APP: variants seen among roughly 807,000 people sequenced by gnomAD.
APP encodes the protein amyloid beta precursor protein.
In APP, 31 loss-of-function variants were observed where a neutral mutation model predicts 101.4. The observed-to-expected ratio is 0.31, with a 90% confidence interval of 0.23 to 0.41. The LOEUF (loss-of-function observed/expected upper bound fraction) is 0.41, where lower values mean the gene tolerates loss of function less well. Among genes scored for constraint, APP ranks in the 10% least tolerant of loss-of-function variants. APP has a pLI of 1.00. For synonymous variants in APP, 366 were observed against 364.4 expected (o/e 1.00, Z -0.05); for missense variants, 839 against 1,003.7 (o/e 0.84, Z 2.22).
intron 11 of APP, among the ~76,000 whole-genome samples, chr21:25,964,854 C>T (rs2041730890): frequency 6.6e-6 from 1 of 152,162 alleles, no homozygotes; most frequent in Admixed American, 6.5e-5. Flanking sequence ...CCCGCCTTGG[C>T]CTCCCAAAGT....
intron 3 of APP, among the ~76,000 whole-genome samples, chr21:26,067,105 T>C (rs1259497405): frequency 1.3e-5 from 2 of 152,164 alleles, no homozygotes; most frequent in South Asian, 2.1e-4. Context: ...AGAGGCCACA[T>C]ATCTAATTTA....
chr21:26,018,783 C>G (rs1014379885), intron 6 of APP, among the ~76,000 whole-genome samples: 3 of 152,122 alleles, frequency 2.0e-5, no homozygotes, highest in African/African-American at 7.2e-5. Flanking sequence ...GCTTTTGTTG[C>G]TCTTCTTGCC....
chr21:26,170,514 C>CGCGTCCCCACCGTGCA (rs1265164799), intron 1 of APP, 50 bp downstream of exon 1: 2 of 1,526,238 alleles, frequency 1.3e-6, no homozygotes, highest in Admixed American at 2.0e-5. Flanking sequence ...TGGGGGGTAT[C>CGCGTCCCCACCGTGCA]GCGTCCCCAC....
intron 1 of APP, among the ~76,000 whole-genome samples, chr21:26,114,217 C>T (rs2062387642): frequency 1.3e-5 from 2 of 152,170 alleles, no homozygotes; most frequent in East Asian, 3.9e-4. Context: ...AAGCGTTCTA[C>T]CTTCTTGTCA....
chr21:26,062,186 G>A (rs912444567), intron 3 of APP, among the ~76,000 whole-genome samples: 2 of 150,106 alleles, frequency 1.3e-5, no homozygotes, highest in African/African-American at 2.4e-5. Flanking sequence ...CTCCAGCATG[G>A]GTGACAGAGC....
At chr21:26,080,192 T>C (rs936113908) in intron 3 of APP, among the ~76,000 whole-genome samples, 3 of 152,164 alleles carry the variant, frequency 2.0e-5, no homozygotes, top group East Asian at 1.9e-4. Flanking sequence ...AGCTGTTCAT[T>C]TGAAAGCAAA....
chr21:26,161,296 C>T (rs2063487727), intron 1 of APP, among the ~76,000 whole-genome samples: 1 of 152,164 alleles, frequency 6.6e-6, no homozygotes, highest in Non-Finnish European at 1.5e-5. Flanking sequence ...ATAGTTCCTT[C>T]CCCCAGTTAT....
At chr21:25,975,046 G>A (rs201972591) in intron 11 of APP, 24 bp downstream of exon 11, 73 of 1,613,698 alleles carry the variant, frequency 4.5e-5, no homozygotes, top group Non-Finnish European at 5.8e-5. Flanking sequence ...CCTGAAGTGT[G>A]AACTCGGCTG....
intron 14 of APP, among the ~76,000 whole-genome samples, chr21:25,906,765 TG>T (rs1312695234): frequency 7.9e-5 from 12 of 151,784 alleles, no homozygotes; most frequent in African/African-American, 2.2e-4. Flanking sequence ...GAGAATTTCC[TG>T]ATGATGAGGG....
chr21:25,894,351 T>C (rs1413677906), intron 16 of APP, among the ~76,000 whole-genome samples: 2 of 152,230 alleles, frequency 1.3e-5, no homozygotes, highest in East Asian at 3.9e-4. Flanking sequence ...GGCTATTCAC[T>C]GCCATAGATA....
At chr21:26,104,109 G>A (rs965400078) in intron 2 of APP, among the ~76,000 whole-genome samples, 1 of 152,128 alleles carries the variant, frequency 6.6e-6, no homozygotes, top group Admixed American at 6.5e-5. Flanking sequence ...GGAGAAAAAG[G>A]CAAGCTCTTT....
rs1365502141 is a variant in APP, at chr21:26,000,017, G to A, written c.1031C>T (p.Ala344Val). Residue 344 changes from alanine to valine, a missense_variant and splice_region_variant, in exon 7 of 18, where the codon GCC (alanine) becomes GTC (valine). By Grantham distance (64) the Ala-to-Val change is moderately conservative. Coordinates refer to ENST00000346798, the MANE Select transcript of APP (RefSeq NM_000484.4). Reference sequence around the variant, plus strand: ...GGCTCGAAGAAGGGTCCACTTACTGGCGCTGCCACACACGGCCATGCAGTA... The same window carrying A: ...GGCTCGAAGAAGGGTCCACTTACTGACGCTGCCACACACGGCCATGCAGTA... Reference protein sequence around the residue: ...EEYCMAVCGSAMSQSLLKTTQ... With the variant: ...EEYCMAVCGSVMSQSLLKTTQ... 5.6e-6 allele frequency: 9 copies of A among 1,613,866 alleles called. No individual in the cohort carries two copies. Among genetic ancestry groups the A allele is most frequent in the East Asian group, 2.2e-5 (1 of 44,846 alleles).
At chr21:26,068,951 A>C (rs1297011515) in intron 3 of APP, among the ~76,000 whole-genome samples, 1 of 152,210 alleles carries the variant, frequency 6.6e-6, no homozygotes, top group East Asian at 1.9e-4. Context: ...ACTAGAATCA[A>C]GTGCCCAACT....
At chr21:26,015,056 CA>C (rs928112256) in intron 6 of APP, among the ~76,000 whole-genome samples, 12 of 152,100 alleles carry the variant, frequency 7.9e-5, no homozygotes, top group East Asian at 5.8e-4. Flanking sequence ...TATATTCACA[CA>C]AAAAAAATTT....
chr21:25,914,756 T>C (rs1041945864), intron 13 of APP, among the ~76,000 whole-genome samples: 1 of 152,104 alleles, frequency 6.6e-6, no homozygotes, highest in Non-Finnish European at 1.5e-5. Flanking sequence ...GGTTTCACCG[T>C]GTTAGCCAGG....
intron 11 of APP, among the ~76,000 whole-genome samples, chr21:25,965,030 T>C (rs1399886871): frequency 6.6e-6 from 1 of 152,236 alleles, no homozygotes; most frequent in South Asian, 2.1e-4. Context: ...AACTGAAATT[T>C]AGCACCCAAC....
At chr21:26,121,394 C>CT (rs147930861) in intron 1 of APP, among the ~76,000 whole-genome samples, 9,479 of 148,920 alleles carry the variant, frequency 0.064, 480 homozygotes, top group Admixed American at 0.13. Flanking sequence ...AGATCCTCAT[C>CT]TTTTTTTTTT....
At chr21:26,061,413 C>T (rs1411883391) in intron 3 of APP, among the ~76,000 whole-genome samples, 2 of 152,146 alleles carry the variant, frequency 1.3e-5, no homozygotes, top group African/African-American at 4.8e-5. Flanking sequence ...ATTTCAGACT[C>T]TTACTCCACA....
intron 3 of APP, among the ~76,000 whole-genome samples, chr21:26,080,819 A>G (rs1772542507): frequency 6.6e-6 from 1 of 151,602 alleles, no homozygotes; most frequent in African/African-American, 2.4e-5. Context: ...GATTACTGGT[A>G]TCTTTTACTG....
Sources: allele counts gnomAD v4.1 joint callset (sites outside exome capture counted in the v4.1 genomes callset), GRCh38; gene constraint gnomAD v4.1.1; transcripts MANE v1.5; gene names NCBI Gene and HGNC (gene_info 2026-07-23, HGNC 2026-07-21).